The following DLC1 variants were observed in gnomAD, a reference collection of about 807,000 sequenced individuals.
The protein encoded by DLC1 is DLC1 Rho GTPase activating protein.
DLC1 carries 54 observed loss-of-function variants against 140.3 expected under a neutral mutation model. That is an observed-to-expected ratio of 0.38 (90% CI 0.31 to 0.48). The LOEUF (loss-of-function observed/expected upper bound fraction) is 0.48. Ranked by LOEUF, DLC1 falls within the 20% of genes least tolerant of loss-of-function variation. The pLI is 0.96. For synonymous variants in DLC1, 986 were observed against 728.1 expected, an observed-to-expected ratio of 1.35 and a Z score of -5.70; for missense variants, 2,536 against 1,907.0, an observed-to-expected ratio of 1.33 and a Z score of -6.14.
intron 1 of DLC1, among the ~76,000 whole-genome samples, chr8:13,585,927 C>G (rs138319721): frequency 2.1e-4 from 32 of 152,260 alleles, no homozygotes; most frequent in Non-Finnish European, 4.3e-4. Flanking sequence ...ATAATTCAAA[C>G]TGTAATAGAG....
chr8:13,224,211 G>T (rs571737343), intron 5 of DLC1, among the ~76,000 whole-genome samples: 1 of 152,118 alleles, frequency 6.6e-6, no homozygotes, highest in African/African-American at 2.4e-5. Flanking sequence ...TGGGAAAAAA[G>T]AATTAAAATT....
intron 5 of DLC1, among the ~76,000 whole-genome samples, chr8:13,196,352 G>C (rs1485628276): frequency 6.6e-6 from 1 of 152,100 alleles, no homozygotes; most frequent in East Asian, 1.9e-4. Flanking sequence ...TCTATTCAAA[G>C]GGATTGCACA....
intron 4 of DLC1, among the ~76,000 whole-genome samples, chr8:13,345,278 A>C (rs538732578): frequency 6.6e-6 from 1 of 152,192 alleles, no homozygotes; most frequent in African/African-American, 2.4e-5. Context: ...CTAAAATGTC[A>C]GGAGTTATTG....
At chr8:13,112,973 C>G (rs1585660109) in intron 6 of DLC1, among the ~76,000 whole-genome samples, 1 of 152,034 alleles carries the variant, frequency 6.6e-6, no homozygotes, top group African/African-American at 2.4e-5. Flanking sequence ...TGCCTATTAC[C>G]TATATGTGAG....
At chr8:13,583,663 A>T (rs1020368648) in intron 1 of DLC1, among the ~76,000 whole-genome samples, 1 of 152,240 alleles carries the variant, frequency 6.6e-6, no homozygotes, top group Non-Finnish European at 1.5e-5. Flanking sequence ...AGGATTGACA[A>T]CAAAGACAAA....
At chr8:13,308,512 A>G (rs1014258721) in intron 4 of DLC1, among the ~76,000 whole-genome samples, 1 of 152,154 alleles carries the variant, frequency 6.6e-6, no homozygotes, top group Non-Finnish European at 1.5e-5. Context: ...AAATTTCTGA[A>G]ATTTTCCAGA....
At chr8:13,435,789 G>A (rs79467413) in intron 2 of DLC1, among the ~76,000 whole-genome samples, 1,861 of 152,276 alleles carry the variant, frequency 0.012, 35 homozygotes, top group African/African-American at 0.041. Flanking sequence ...TGCTACTCTG[G>A]GGAAAATGCT....
At chr8:13,343,430 A>G (rs1023235752) in intron 4 of DLC1, among the ~76,000 whole-genome samples, 2 of 152,210 alleles carry the variant, frequency 1.3e-5, no homozygotes, top group Non-Finnish European at 2.9e-5. Flanking sequence ...TTAAAATTAC[A>G]TGTCTCTTTA....
chr8:13,188,827 G>GTATATATATATATATATATATATGTATA, intron 5 of DLC1, among the ~76,000 whole-genome samples: 1 of 28,626 alleles, frequency 3.5e-5, no homozygotes, highest in Non-Finnish European at 7.3e-5. Flanking sequence ...ATATATATAT[G>GTATATATATATATATATATATATGTATA]TATATATATA....
chr8:13,322,588 G>C (rs932511191), intron 4 of DLC1, among the ~76,000 whole-genome samples: 2 of 152,062 alleles, frequency 1.3e-5, no homozygotes, highest in Non-Finnish European at 2.9e-5. Flanking sequence ...TTAGATCACA[G>C]TTTTCTTAGT....
chr8:13,406,198 T>TTTA, intron 2 of DLC1, among the ~76,000 whole-genome samples: 1 of 142,644 alleles, frequency 7.0e-6, no homozygotes, highest in African/African-American at 2.7e-5. Flanking sequence ...TTTTTTTTTT[T>TTTA]CAGTGGAGAC....
intron 5 of DLC1, among the ~76,000 whole-genome samples, chr8:13,180,526 A>G (rs528582453): frequency 2.0e-5 from 3 of 152,304 alleles, no homozygotes; most frequent in South Asian, 2.1e-4. Context: ...GAAGAAGCCA[A>G]TGTACAATAG....
Position 13,461,362 on chromosome 8 carries a change from G to C in DLC1, c.1023+37687C>G, listed in dbSNP as rs1289566019. ...GTATTTCAATCCACACAATATGTCT[G>C]AACATTTACAAACATGTACAGGAGC... On this transcript the variant is annotated intron_variant, in intron 2 of 17. Coordinates refer to ENST00000276297, the MANE Select transcript of DLC1 (RefSeq NM_182643.3). Among the ~76,000 whole-genome samples, 4 of 152,180 alleles carry C rather than the reference G, an allele frequency of 2.6e-5. No homozygotes were observed. The South Asian group carries it at 8.3e-4, about 32-fold the overall frequency.
intron 4 of DLC1, among the ~76,000 whole-genome samples, chr8:13,320,929 G>A (rs909643571): frequency 1.3e-5 from 2 of 152,110 alleles, no homozygotes; most frequent in African/African-American, 4.8e-5. Flanking sequence ...CAAGCCATGT[G>A]ATTGCTGCAC....
At chr8:13,353,704 A>C (rs1393591840) in intron 4 of DLC1, among the ~76,000 whole-genome samples, 1 of 152,054 alleles carries the variant, frequency 6.6e-6, no homozygotes, top group African/African-American at 2.4e-5. Context: ...TTAAAATATA[A>C]AAGTTAGCCA....
intron 5 of DLC1, among the ~76,000 whole-genome samples, chr8:13,253,954 G>C (rs1466972325): frequency 6.6e-6 from 1 of 152,156 alleles, no homozygotes; most frequent in East Asian, 1.9e-4. Flanking sequence ...ATGTTAACTA[G>C]AGTAACCATC....
chr8:13,396,973 A>C (rs1479778470), intron 3 of DLC1, among the ~76,000 whole-genome samples: 1 of 151,652 alleles, frequency 6.6e-6, no homozygotes, highest in Non-Finnish European at 1.5e-5. Flanking sequence ...TGTGTAATTA[A>C]TCCTACAGGC....
At chr8:13,255,336 G>T (rs1438219340) in intron 5 of DLC1, among the ~76,000 whole-genome samples, 1 of 152,146 alleles carries the variant, frequency 6.6e-6, no homozygotes, top group Non-Finnish European at 1.5e-5. Context: ...ATACCTCATT[G>T]TAATTTGTGC....
At chr8:13,145,533 A>G (rs1367675731) in intron 5 of DLC1, among the ~76,000 whole-genome samples, 3 of 152,238 alleles carry the variant, frequency 2.0e-5, no homozygotes, top group African/African-American at 7.2e-5. Context: ...TAAGGGATGT[A>G]CTAGGGAAAC....
Sources: gnomAD v4.1 joint callset for allele counts (sites outside exome capture counted in the v4.1 genomes callset) on GRCh38, gnomAD v4.1.1 for gene constraint, MANE v1.5 for transcripts, NCBI Gene and HGNC (gene_info 2026-07-23, HGNC 2026-07-21) for gene names.